The following HSD17B12 variants were observed in gnomAD, a reference collection of about 807,000 sequenced individuals.
The protein encoded by HSD17B12 is hydroxysteroid 17-beta dehydrogenase 12.
A neutral mutation model predicts 39.3 loss-of-function variants in HSD17B12; 32 were observed. That is an observed-to-expected ratio of 0.81 (90% CI 0.61 to 1.09). The LOEUF is 1.09. HSD17B12 is among the 50% of genes least tolerant of loss of function. The pLI is 0.00. For missense variants in HSD17B12, 342 were observed against 382.9 expected (o/e 0.89, Z 0.89); for synonymous variants, 150 against 146.7 (o/e 1.02, Z -0.16).
rs571009703 is a variant in HSD17B12, at chr11:43,739,514, C to T, written c.161-11397C>T. ...GGGATACTGTGTGTTTCCAGGATGG[C>T]ACCCTGTTGCTGCATCCTTCGAATG... On this transcript the variant is annotated intron_variant, in intron 1 of 10. Transcript: ENST00000278353. Among the ~76,000 whole-genome samples, 7 of 152,310 alleles carry T rather than the reference C, an allele frequency of 4.6e-5. No individual in the cohort carries two copies. In the East Asian group the frequency reaches 1.4e-3, roughly 29 times the overall value.
intron 1 of HSD17B12, among the ~76,000 whole-genome samples, chr11:43,728,972 ATATC>A (rs1192008864): frequency 1.3e-5 from 2 of 152,178 alleles, no homozygotes; most frequent in African/African-American, 4.8e-5. Context: ...ATTATATACT[ATATC>A]TATATGCTAT....
intron 3 of HSD17B12, among the ~76,000 whole-genome samples, chr11:43,797,338 C>T (rs1950924370): frequency 6.6e-6 from 1 of 152,194 alleles, no homozygotes; most frequent in Non-Finnish European, 1.5e-5. Context: ...TCCTAGCTCA[C>T]TGGACTTGAC....
intron 3 of HSD17B12, among the ~76,000 whole-genome samples, chr11:43,776,013 C>A (rs1476146614): frequency 6.6e-6 from 1 of 152,082 alleles, no homozygotes; most frequent in Non-Finnish European, 1.5e-5. Flanking sequence ...TATCGTTGGA[C>A]ATTTGGGTTG....
the HSD17B12 span, among the ~76,000 whole-genome samples, chr11:43,604,745 A>G: frequency 6.6e-6 from 1 of 152,214 alleles, no homozygotes; most frequent in Non-Finnish European, 1.5e-5. Context: ...CTGTTTTTGA[A>G]TATAGTTATG....
chr11:43,837,503 A>G (rs1951382757), intron 7 of HSD17B12, among the ~76,000 whole-genome samples: 1 of 152,160 alleles, frequency 6.6e-6, no homozygotes. Context: ...AACAACTGGT[A>G]TCTTTATAGC....
chr11:43,700,919 C>T (rs1392144452), intron 1 of HSD17B12, among the ~76,000 whole-genome samples: 2 of 152,148 alleles, frequency 1.3e-5, no homozygotes, highest in African/African-American at 2.4e-5. Flanking sequence ...AAACTGTTCT[C>T]CATAGTGGTT....
chr11:43,626,601 T>C, the HSD17B12 span, among the ~76,000 whole-genome samples: 1 of 151,740 alleles, frequency 6.6e-6, no homozygotes, highest in Non-Finnish European at 1.5e-5. Context: ...GGAAAAGGAG[T>C]ATTTTTGTTT....
At chr11:43,688,382 G>A (rs544906247) in intron 1 of HSD17B12, among the ~76,000 whole-genome samples, 1 of 152,262 alleles carries the variant, frequency 6.6e-6, no homozygotes, top group South Asian at 2.1e-4. Context: ...ACTGAGTGAT[G>A]GGGTTATTGA....
chr11:43,635,571 G>C, the HSD17B12 span, among the ~76,000 whole-genome samples: 1 of 152,188 alleles, frequency 6.6e-6, no homozygotes, highest in African/African-American at 2.4e-5. Flanking sequence ...TGAACCCAGG[G>C]GTTGGAGGAG....
intron 3 of HSD17B12, among the ~76,000 whole-genome samples, chr11:43,776,988 A>G (rs1320855056): frequency 6.6e-6 from 1 of 152,178 alleles, no homozygotes; most frequent in East Asian, 1.9e-4. Context: ...TACCAGTACC[A>G]TGCTGTTTTG....
At chr11:43,667,453 T>C in the HSD17B12 span, among the ~76,000 whole-genome samples, 2 of 152,176 alleles carry the variant, frequency 1.3e-5, no homozygotes, top group Non-Finnish European at 2.9e-5. Context: ...CCTGAGTTTA[T>C]TTTTTAACTA....
chr11:43,783,668 G>T (rs1565087953), intron 3 of HSD17B12, among the ~76,000 whole-genome samples: 1 of 151,914 alleles, frequency 6.6e-6, no homozygotes, highest in Non-Finnish European at 1.5e-5. Context: ...AGAGCATGCG[G>T]TGTTTGGTTT....
At chr11:43,838,427 A>G in intron 8 of HSD17B12, 29 bp downstream of exon 8, 2 of 1,489,706 alleles carry the variant, frequency 1.3e-6, no homozygotes, top group Non-Finnish European at 1.9e-6. Context: ...AATCATGTCA[A>G]TATAGTAATA....
intron 3 of HSD17B12, among the ~76,000 whole-genome samples, chr11:43,791,014 TAAAAA>T (rs562426950): frequency 2.6e-5 from 4 of 151,172 alleles, no homozygotes; most frequent in Non-Finnish European, 5.9e-5. Context: ...AAAAACAAAA[TAAAAA>T]AAAACTGTGT....
At chr11:43,770,147 A>G (rs1252906171) in intron 3 of HSD17B12, among the ~76,000 whole-genome samples, 1 of 152,188 alleles carries the variant, frequency 6.6e-6, no homozygotes, top group Non-Finnish European at 1.5e-5. Context: ...TCCATCTGAT[A>G]TGTCTCAAAC....
At chr11:43,637,959 G>T in the HSD17B12 span, among the ~76,000 whole-genome samples, 3 of 152,280 alleles carry the variant, frequency 2.0e-5, no homozygotes, top group East Asian at 3.9e-4. Context: ...GCACTTGAAG[G>T]CTCTCTGGTG....
chr11:43,610,838 G>A, the HSD17B12 span, among the ~76,000 whole-genome samples: 3 of 152,158 alleles, frequency 2.0e-5, no homozygotes, highest in African/African-American at 7.2e-5. Flanking sequence ...GAGTATGCAT[G>A]CACTCCTCAA....
the HSD17B12 span, among the ~76,000 whole-genome samples, chr11:43,657,412 G>C: frequency 6.6e-6 from 1 of 152,148 alleles, no homozygotes; most frequent in Non-Finnish European, 1.5e-5. Context: ...TTTAAGGTTA[G>C]TATTGTTATG....
chr11:43,641,381 A>G, the HSD17B12 span, among the ~76,000 whole-genome samples: 1 of 152,028 alleles, frequency 6.6e-6, no homozygotes, highest in Non-Finnish European at 1.5e-5. Flanking sequence ...AATATTTAGC[A>G]AAATCAAAAA....
Sources: allele counts gnomAD v4.1 joint callset (sites outside exome capture counted in the v4.1 genomes callset), GRCh38; gene constraint gnomAD v4.1.1; transcripts MANE v1.5; gene names NCBI Gene and HGNC (gene_info 2026-07-23, HGNC 2026-07-21).